GRID2: variants seen among roughly 807,000 people sequenced by gnomAD.
GRID2 encodes glutamate receptor ionotropic, delta-2.
Under a neutral mutation model 114.8 loss-of-function variants are expected in GRID2, and 33 were observed. The observed-to-expected ratio is 0.29, with a 90% CI of 0.22 to 0.38. The LOEUF is 0.38. Ranked by LOEUF, GRID2 falls within the 10% of genes least tolerant of loss-of-function variation. The pLI is 1.00. For synonymous variants in GRID2, 505 were observed against 449.9 expected (o/e 1.12, Z -1.55); for missense variants, 1,184 against 1,257.7 (o/e 0.94, Z 0.89).
chr4:93,632,367 T>G (rs1202913790), intron 14 of GRID2, among the ~76,000 whole-genome samples: 1 of 152,230 alleles, frequency 6.6e-6, no homozygotes, highest in Non-Finnish European at 1.5e-5. Context: ...ATTGAAGTCT[T>G]TGATCCATCT....
intron 9 of GRID2, among the ~76,000 whole-genome samples, chr4:93,416,226 T>TCCTAACACCTATAATGTTATAG (rs1767691580): frequency 6.6e-6 from 1 of 151,986 alleles, no homozygotes. Context: ...CTTCCTAACT[T>TCCTAACACCTATAATGTTATAG]GTGAACATTT....
chr4:93,458,868 C>T (rs955123875), intron 11 of GRID2, among the ~76,000 whole-genome samples: 8 of 151,814 alleles, frequency 5.3e-5, no homozygotes, highest in African/African-American at 9.7e-5. Flanking sequence ...ACCAAGAATG[C>T]GAATGTAAAG....
chr4:93,391,334 C>T (rs1249156304), intron 8 of GRID2, among the ~76,000 whole-genome samples: 1 of 152,168 alleles, frequency 6.6e-6, no homozygotes, highest in East Asian at 1.9e-4. Context: ...AGAATATCTA[C>T]CAAATAAATG....
At chr4:92,767,991 C>A (rs1417121665) in intron 2 of GRID2, among the ~76,000 whole-genome samples, 1 of 151,410 alleles carries the variant, frequency 6.6e-6, no homozygotes, top group Non-Finnish European at 1.5e-5. Flanking sequence ...ATTTTGTATT[C>A]TTCTAATTAT....
At chr4:92,758,150 G>A (rs751712164) in intron 2 of GRID2, among the ~76,000 whole-genome samples, 2 of 152,064 alleles carry the variant, frequency 1.3e-5, no homozygotes, top group African/African-American at 2.4e-5. Flanking sequence ...TTGGAAAAAA[G>A]AGTCTGTTCT....
intron 1 of GRID2, among the ~76,000 whole-genome samples, chr4:92,537,441 A>T (rs1374712834): frequency 6.6e-6 from 1 of 152,182 alleles, no homozygotes; most frequent in Non-Finnish European, 1.5e-5. Context: ...CTACAGTGGT[A>T]AAATAGATTT....
chr4:92,519,071 T>C (rs1724646838), intron 1 of GRID2, among the ~76,000 whole-genome samples: 1 of 151,670 alleles, frequency 6.6e-6, no homozygotes, highest in Admixed American at 6.6e-5. Context: ...ATAGCTGGGG[T>C]GAGGAATAAG....
At chr4:93,632,014 C>A (rs998654781) in intron 14 of GRID2, among the ~76,000 whole-genome samples, 6 of 152,136 alleles carry the variant, frequency 3.9e-5, no homozygotes, top group African/African-American at 1.4e-4. Context: ...TAAAAGTCTT[C>A]TTTTGAGAAG....
chr4:93,164,165 A>G (rs1259696571), intron 4 of GRID2, among the ~76,000 whole-genome samples: 4 of 152,018 alleles, frequency 2.6e-5, no homozygotes, highest in South Asian at 4.1e-4. Context: ...GGGGGGAAAA[A>G]AAAGGTAATT....
At chr4:93,044,495 C>G (rs1034005067) in intron 2 of GRID2, among the ~76,000 whole-genome samples, 12 of 151,846 alleles carry the variant, frequency 7.9e-5, no homozygotes, top group African/African-American at 2.7e-4. Flanking sequence ...GTAGAATAAG[C>G]ATTTATAAGG....
At chr4:92,891,490 T>C (rs1286542187) in intron 2 of GRID2, among the ~76,000 whole-genome samples, 1 of 152,060 alleles carries the variant, frequency 6.6e-6, no homozygotes, top group African/African-American at 2.4e-5. Context: ...AAGTGTGAAG[T>C]GTTTTGGAAA....
rs180978976 is a variant in GRID2 at position 93,418,537 on chromosome 4, G to A, written c.1348-4234G>A. On this transcript the variant is annotated intron_variant, in intron 9 of 15. Transcript: ENST00000282020. ...ACAATAAACATAATATTTCCAATAT[G>A]CATCTGAAAATTCTAGTATCTAAAT... is the stretch of plus-strand genomic sequence containing the variant. Among the ~76,000 whole-genome samples the A allele has an allele frequency of 7.0e-3, 1,069 of 152,036 alleles. 20 individuals are homozygous for A. The highest frequency in any genetic ancestry group is 5.3e-3 in the Non-Finnish European group (359 of 67,880).
At chr4:93,501,899 A>G (rs528458145) in intron 12 of GRID2, among the ~76,000 whole-genome samples, 5 of 152,200 alleles carry the variant, frequency 3.3e-5, no homozygotes, top group African/African-American at 1.2e-4. Flanking sequence ...CTAGAAACCT[A>G]TTAAGTGCTG....
chr4:92,720,348 A>G (rs993210371), intron 2 of GRID2, among the ~76,000 whole-genome samples: 2 of 152,016 alleles, frequency 1.3e-5, no homozygotes, highest in African/African-American at 4.8e-5. Context: ...AAAATATGTG[A>G]TTGTTACAGT....
chr4:93,096,398 C>G (rs935951267), intron 3 of GRID2, among the ~76,000 whole-genome samples: 1 of 151,882 alleles, frequency 6.6e-6, no homozygotes, highest in Non-Finnish European at 1.5e-5. Context: ...AAGAAATAGA[C>G]AAACTATGAA....
At chr4:92,959,110 A>T (rs1213441974) in intron 2 of GRID2, among the ~76,000 whole-genome samples, 884 of 35,876 alleles carry the variant, frequency 0.025, no homozygotes, top group Non-Finnish European at 0.027. Context: ...GATTTTATTG[A>T]TTTTTTTTTT....
At chr4:92,767,776 C>A (rs1738337747) in intron 2 of GRID2, among the ~76,000 whole-genome samples, 2 of 151,868 alleles carry the variant, frequency 1.3e-5, no homozygotes, top group Admixed American at 1.3e-4. Context: ...GCACAGTATG[C>A]GTGCCTTTAG....
At chr4:92,941,329 C>T (rs1361636965) in intron 2 of GRID2, among the ~76,000 whole-genome samples, 1 of 152,114 alleles carries the variant, frequency 6.6e-6, no homozygotes, top group Non-Finnish European at 1.5e-5. Context: ...TTATCCATTT[C>T]TTGTAGATTT....
At chr4:93,158,762 T>C (rs1737406325) in intron 4 of GRID2, among the ~76,000 whole-genome samples, 2 of 151,722 alleles carry the variant, frequency 1.3e-5, no homozygotes, top group South Asian at 4.2e-4. Flanking sequence ...GATTATTCTA[T>C]GAAGTGGGAA....
Sources: gnomAD v4.1 joint callset for allele counts (sites outside exome capture counted in the v4.1 genomes callset) on GRCh38, gnomAD v4.1.1 for gene constraint, MANE v1.5 for transcripts, NCBI Gene and HGNC (gene_info 2026-07-23, HGNC 2026-07-21) for gene names.